The following GMPR variants were observed in gnomAD, a reference collection of about 807,000 sequenced individuals.
GMPR encodes the protein guanosine monophosphate reductase.
In GMPR, 31 loss-of-function variants were observed where a neutral mutation model predicts 38.4. The observed-to-expected ratio is 0.81, with a 90% confidence interval of 0.61 to 1.09. GMPR has a LOEUF of 1.09. Ranked by LOEUF, GMPR falls within the 50% of genes least tolerant of loss-of-function variation. The pLI is 0.00. For synonymous variants in GMPR, 162 were observed against 173.3 expected (o/e 0.93, Z 0.51); for missense variants, 468 against 453.7 (o/e 1.03, Z -0.29).
At position 16,246,825 on chromosome 6, in the gene GMPR, T is replaced by G. The variant is rs764998367; in HGVS notation, c.88-17T>G. 6.2e-7 allele frequency: 1 copy of G among 1,603,462 alleles called. No homozygotes were observed. Among genetic ancestry groups the G allele is most frequent in the Admixed American group, 1.7e-5 (1 of 58,010 alleles). ...CTCATTTCTTTCCCTTTTTCTTTCT[T>G]TTTTTTTGGCCAACAGGTGGATCTT... On this transcript the variant is annotated splice_polypyrimidine_tract_variant and intron_variant, in intron 1 of 8. Transcript: ENST00000259727.
At chr6:16,292,024 C>A (rs933097061) in intron 8 of GMPR, among the ~76,000 whole-genome samples, 1 of 152,138 alleles carries the variant, frequency 6.6e-6, no homozygotes, top group Non-Finnish European at 1.5e-5. Flanking sequence ...AAAATGGGTA[C>A]AGGAGCAAAG....
chr6:16,278,717 C>T (rs567887662), intron 5 of GMPR, 67 bp from the exon 6 acceptor site: 61 of 1,078,058 alleles, frequency 5.7e-5, no homozygotes, highest in Middle Eastern at 2.0e-4. Context: ...GTAAGGGGGA[C>T]GCATTTCATG....
chr6:16,243,522 C>T (rs1349281001), intron 1 of GMPR, among the ~76,000 whole-genome samples: 1 of 152,174 alleles, frequency 6.6e-6, no homozygotes, highest in South Asian at 2.1e-4. Flanking sequence ...CATTAGTTTA[C>T]CCCATGCTTT....
At chr6:16,289,847 A>ATTTTTTTTTTTTTTTTTTT (rs1438743321) in intron 7 of GMPR, 5 of 90,112 alleles carry the variant, frequency 5.5e-5, no homozygotes, top group Non-Finnish European at 8.3e-5. Context: ...GATACTGCCC[A>ATTTTTTTTTTTTTTTTTTT]ATTTTTTTTT....
At chr6:16,252,010 C>T (rs963620180) in intron 3 of GMPR, among the ~76,000 whole-genome samples, 6 of 152,106 alleles carry the variant, frequency 3.9e-5, no homozygotes, top group South Asian at 2.1e-4. Flanking sequence ...GACTTCAGGT[C>T]GTACTGTTTT....
Position 16,238,724 on chromosome 6 carries a change from G to C in GMPR, c.31G>C (p.Asp11His). 3 of 1,444,590 alleles carry C rather than the reference G, an allele frequency of 2.1e-6. No homozygotes were observed. The South Asian group carries it at 4.2e-5, about 20-fold the overall frequency. The allele number at this position is 1,444,590 out of a possible 1,614,324, so 89.5% of individuals were successfully genotyped here. A position where few individuals can be genotyped will look rare whatever the true frequency, so the allele number is the denominator to read the frequency against. Residue 11 changes from aspartate to histidine, a missense_variant, in exon 1 of 9, where the codon GAC (aspartate) becomes CAC (histidine). Asp to His is a moderately conservative substitution (Grantham distance 81). Transcript: ENST00000259727. ...CCGCATAGATGCGGACCTCAAGCTC[G>C]ACTTCAAGGATGTCCTGCTCCGACC... The part of the protein sequence containing the change: MPRIDADLKL[D>H]FKDVLLRPKR...
Position 16,246,972 on chromosome 6 carries a change from AG to A in GMPR, c.207+13del, listed in dbSNP as rs1282659227. ...GCCGTGATGTCACAGGTGAGGCGGT[AG>A]GCTTTTGTTTTTTCCCTTTGCTGCT... On this transcript the variant is annotated intron_variant, in intron 2 of 8. Coordinates refer to ENST00000259727, the MANE Select transcript of GMPR (RefSeq NM_006877.4). 24 of 1,611,724 alleles carry A rather than the reference AG, an allele frequency of 1.5e-5. No homozygotes were observed. The highest frequency in any genetic ancestry group is 2.0e-5 in the Non-Finnish European group (23 of 1,179,330).
Position 16,290,549 on chromosome 6 carries a change from A to AC in GMPR, c.785_786insC (p.Lys262AsnfsTer11). On this transcript the variant is annotated frameshift_variant, in exon 8 of 9. Transcript: ENST00000259727. LOFTEE classifies it high-confidence loss of function. The stretch of plus-strand genomic sequence containing the variant: ...GAAGTGTTTGAGAGGAACGGACGGA[A>AC]GCTCAAGCTCTTCTACGGGATGAGC... The AC allele has an allele frequency of 6.2e-7, 1 of 1,614,090 alleles. No homozygotes were observed. Among genetic ancestry groups the AC allele is most frequent in the Non-Finnish European group, 8.5e-7 (1 of 1,179,934 alleles).
chr6:16,265,013 G>C (rs894303631), intron 4 of GMPR, among the ~76,000 whole-genome samples: 6 of 152,158 alleles, frequency 3.9e-5, no homozygotes, highest in Non-Finnish European at 5.9e-5. Flanking sequence ...ACCAAGTCCT[G>C]TGGCCATTTG....
chr6:16,292,409 C>A lies in GMPR; in HGVS notation c.857+1788C>A, dbSNP rs1012379659. Among the ~76,000 whole-genome samples, 8 of 151,976 alleles carry A rather than the reference C, an allele frequency of 5.3e-5. No individual in the cohort carries two copies. In the South Asian group the frequency reaches 1.7e-3, roughly 32 times the overall value. On this transcript the variant is annotated intron_variant, in intron 8 of 8. Transcript: ENST00000259727. Reference sequence around the variant, plus strand: ...AAGTCTCTTTCTCTTGGTGGTGAACCCCAATAAAGATATTATAGTATGGGA... The same window carrying A: ...AAGTCTCTTTCTCTTGGTGGTGAACACCAATAAAGATATTATAGTATGGGA...
intron 4 of GMPR, among the ~76,000 whole-genome samples, chr6:16,270,513 G>T (rs1182642804): frequency 6.6e-6 from 1 of 152,192 alleles, no homozygotes; most frequent in African/African-American, 2.4e-5. Context: ...CCTGGCCCCT[G>T]TTATCACACC....
chr6:16,257,812 G>T (rs562785447), intron 4 of GMPR, among the ~76,000 whole-genome samples: 1 of 152,132 alleles, frequency 6.6e-6, no homozygotes, highest in Non-Finnish European at 1.5e-5. Context: ...GGCACTAATC[G>T]CATTCATGAA....
At chr6:16,288,279 G>A (rs1759735662) in intron 7 of GMPR, among the ~76,000 whole-genome samples, 1 of 152,260 alleles carries the variant, frequency 6.6e-6, no homozygotes, top group African/African-American at 2.4e-5. Context: ...GGCAACCGAG[G>A]ATGCGCGAGG....
Position 16,295,433 on chromosome 6 carries a change from C to G in GMPR, c.*247C>G, listed in dbSNP as rs1759920204. ...GCCCAGAACTCATAACCTCATTGTTCAAACCAACACTTGCACCTTTCTCTT... is the reference window on the plus strand; with the variant it reads ...GCCCAGAACTCATAACCTCATTGTTGAAACCAACACTTGCACCTTTCTCTT... On this transcript the variant is annotated 3_prime_UTR_variant, in exon 9 of 9. Coordinates refer to ENST00000259727, the MANE Select transcript of GMPR (RefSeq NM_006877.4). 1 of 379,050 alleles carries G rather than the reference C, an allele frequency of 2.6e-6. No homozygotes were observed. 23.5% of individuals were successfully genotyped at this position (379,050 alleles called of 1,614,324 possible). A position where few individuals can be genotyped will look rare whatever the true frequency, so the allele number is the denominator to read the frequency against.
intron 4 of GMPR, among the ~76,000 whole-genome samples, chr6:16,264,122 A>C (rs1257191593): frequency 6.6e-6 from 1 of 151,954 alleles, no homozygotes; most frequent in Non-Finnish European, 1.5e-5. Flanking sequence ...GTGTCCCTGC[A>C]ATGATTAAAC....
chr6:16,288,493 G>A (rs71554562), intron 7 of GMPR, among the ~76,000 whole-genome samples: 7,876 of 152,292 alleles, frequency 0.052, 274 homozygotes, highest in Middle Eastern at 0.11. Flanking sequence ...GCCTCCCTGC[G>A]GGGCAGGGCT....
chr6:16,272,890 C>T (rs1039029881), intron 4 of GMPR, among the ~76,000 whole-genome samples: 3 of 152,090 alleles, frequency 2.0e-5, no homozygotes, highest in Admixed American at 1.3e-4. Context: ...TCTCAAACTC[C>T]TGGGCTCGAG....
chr6:16,238,810 TG>T, intron 1 of GMPR, 30 bp downstream of exon 1: 1 of 1,305,676 alleles, frequency 7.7e-7, no homozygotes, highest in Non-Finnish European at 1.0e-6. Flanking sequence ...CGCAGTGGGG[TG>T]GGATTTTTTT....
intron 1 of GMPR, among the ~76,000 whole-genome samples, chr6:16,239,765 G>T (rs969306275): frequency 8.5e-5 from 13 of 152,386 alleles, no homozygotes; most frequent in South Asian, 4.1e-4. Context: ...AGGCCTAACT[G>T]CAGTGCCTGG....
Sources: allele counts gnomAD v4.1 joint callset (sites outside exome capture counted in the v4.1 genomes callset), GRCh38; gene constraint gnomAD v4.1.1; transcripts MANE v1.5; gene names NCBI Gene and HGNC (gene_info 2026-07-23, HGNC 2026-07-21).